CTNNA2: variants seen among roughly 807,000 people sequenced by gnomAD.
CTNNA2 encodes catenin alpha 2.
A neutral mutation model predicts 101.0 loss-of-function variants in CTNNA2; 42 were observed. The observed-to-expected ratio is 0.42, with a 90% confidence interval of 0.32 to 0.54. The LOEUF (loss-of-function observed/expected upper bound fraction) is 0.54. Ranked by LOEUF, CTNNA2 falls within the 20% of genes least tolerant of loss-of-function variation. CTNNA2 has a pLI of 0.14. For synonymous variants in CTNNA2, 450 were observed against 456.4 expected, an observed-to-expected ratio of 0.99 and a Z score of 0.18; for missense variants, 871 against 1,223.1, an observed-to-expected ratio of 0.71 and a Z score of 4.29.
chr2:80,477,909 C>T (rs1685853766), intron 9 of CTNNA2, among the ~76,000 whole-genome samples: 1 of 151,968 alleles, frequency 6.6e-6, no homozygotes, highest in Non-Finnish European at 1.5e-5. Context: ...GGTAGATATC[C>T]AGTAGTGGGA....
chr2:79,953,567 T>A (rs1689026411), intron 7 of CTNNA2, among the ~76,000 whole-genome samples: 1 of 152,200 alleles, frequency 6.6e-6, no homozygotes, highest in South Asian at 2.1e-4. Context: ...CCAGCACTTT[T>A]CTAAGTCCAC....
Position 80,364,361 on chromosome 2 carries a change from G to A in CTNNA2, c.1057-28850G>A, listed in dbSNP as rs550619907. ...TTTAAAATTAAAGCCTCTGTAACAA[G>A]ATGTTCTTTTCTCTTTTCTCCTTTC... On this transcript the variant is annotated intron_variant, in intron 7 of 18. Coordinates refer to ENST00000402739, the MANE Select transcript of CTNNA2 (RefSeq NM_001282597.3). 8.5e-5 allele frequency among the ~76,000 whole-genome samples: 13 copies of A among 152,146 alleles called. No homozygotes were observed. In the South Asian group the frequency reaches 2.7e-3, roughly 32 times the overall value.
At chr2:79,697,017 A>C (rs1340583281) in intron 2 of CTNNA2, among the ~76,000 whole-genome samples, 1 of 152,054 alleles carries the variant, frequency 6.6e-6, no homozygotes, top group East Asian at 1.9e-4. Flanking sequence ...TCAAGTCAAT[A>C]CCCTCATTTT....
intron 7 of CTNNA2, among the ~76,000 whole-genome samples, chr2:80,160,596 T>C (rs1704252846): frequency 1.3e-5 from 2 of 152,220 alleles, no homozygotes; most frequent in South Asian, 4.1e-4. Flanking sequence ...TGTTTATTAC[T>C]AGCATAAGAA....
intron 17 of CTNNA2, chr2:80,618,711 A>G (rs1011998128): frequency 5.8e-5 from 9 of 156,254 alleles, no homozygotes; most frequent in Non-Finnish European, 9.9e-5. Context: ...ATACCGTTCC[A>G]GGCTTTAAGA....
At chr2:80,578,351 G>A (rs535930937) in intron 13 of CTNNA2, among the ~76,000 whole-genome samples, 170 of 152,192 alleles carry the variant, frequency 1.1e-3, no homozygotes, top group Non-Finnish European at 1.3e-3. Context: ...CCAGTACAGC[G>A]AACTGTTTAT....
At chr2:80,542,465 G>A (rs1431626459) in intron 9 of CTNNA2, among the ~76,000 whole-genome samples, 1 of 151,554 alleles carries the variant, frequency 6.6e-6, no homozygotes, top group Non-Finnish European at 1.5e-5. Context: ...CATGGACAGT[G>A]GTATGTCACT....
At chr2:79,974,560 C>G (rs769828946) in intron 7 of CTNNA2, among the ~76,000 whole-genome samples, 1 of 152,150 alleles carries the variant, frequency 6.6e-6, no homozygotes, top group Non-Finnish European at 1.5e-5. Context: ...CCCTTAGCAG[C>G]ATTCCTAGTC....
intron 2 of CTNNA2, among the ~76,000 whole-genome samples, chr2:79,280,940 GT>G (rs1331416808): frequency 1.3e-5 from 2 of 151,998 alleles, no homozygotes; most frequent in Non-Finnish European, 2.9e-5. Flanking sequence ...TTGAAGCTCT[GT>G]TTGCACTCTA....
intron 3 of CTNNA2, among the ~76,000 whole-genome samples, chr2:79,362,518 A>T (rs1677654766): frequency 6.6e-6 from 1 of 152,162 alleles, no homozygotes; most frequent in African/African-American, 2.4e-5. Flanking sequence ...GGAATTCTAG[A>T]TTCATCTAGA....
chr2:79,386,021 A>T (rs551396928), intron 4 of CTNNA2, among the ~76,000 whole-genome samples: 1 of 152,268 alleles, frequency 6.6e-6, no homozygotes, highest in Non-Finnish European at 1.5e-5. Context: ...TAGTAGAATG[A>T]TTTATAATCC....
chr2:79,843,566 G>C (rs917323479), intron 3 of CTNNA2, among the ~76,000 whole-genome samples: 1 of 152,136 alleles, frequency 6.6e-6, no homozygotes, highest in Non-Finnish European at 1.5e-5. Context: ...TTAGAATTTT[G>C]CTTGTTAAAC....
chr2:80,093,946 T>G (rs1699968807), intron 7 of CTNNA2, among the ~76,000 whole-genome samples: 1 of 152,032 alleles, frequency 6.6e-6, no homozygotes, highest in Non-Finnish European at 1.5e-5. Context: ...TTTCTCCCAT[T>G]CTGTAGGTTG....
chr2:80,308,794 G>C (rs1677264394), intron 7 of CTNNA2, among the ~76,000 whole-genome samples: 2 of 152,086 alleles, frequency 1.3e-5, no homozygotes, highest in South Asian at 4.2e-4. Context: ...AGAAATGCAA[G>C]TTCTCCTGGG....
chr2:79,489,806 C>A (rs1243303643), intron 4 of CTNNA2, among the ~76,000 whole-genome samples: 1 of 152,136 alleles, frequency 6.6e-6, no homozygotes, highest in Non-Finnish European at 1.5e-5. Context: ...AATCATTTTT[C>A]TGGAATCTGA....
At chr2:79,233,725 G>C (rs1594838) in intron 2 of CTNNA2, among the ~76,000 whole-genome samples, 11,267 of 151,968 alleles carry the variant, frequency 0.074, 547 homozygotes, top group East Asian at 0.18. Context: ...GACTCTGTTT[G>C]CTCCTATGTT....
chr2:79,432,762 C>A (rs1270359050), intron 4 of CTNNA2, among the ~76,000 whole-genome samples: 1 of 152,198 alleles, frequency 6.6e-6, no homozygotes, highest in African/African-American at 2.4e-5. Flanking sequence ...CAAAGAGAAA[C>A]TTATTCTCTG....
Position 79,583,194 on chromosome 2 carries a change from C to T in CTNNA2, c.-5-68358C>T, listed in dbSNP as rs184474083. On this transcript the variant is annotated intron_variant, in intron 1 of 18. Transcript: ENST00000402739. ...TTGTTTTGTGTGATTATAAATAAAT[C>T]TGATATACACACATATATATATATA... Among the ~76,000 whole-genome samples, 49 of 151,064 alleles carry T rather than the reference C, an allele frequency of 3.2e-4. 1 individual carries two copies. The East Asian group carries it at 9.1e-3, about 28-fold the overall frequency.
intron 1 of CTNNA2, among the ~76,000 whole-genome samples, chr2:79,619,099 G>T (rs1678831695): frequency 6.6e-6 from 1 of 152,208 alleles, no homozygotes. Flanking sequence ...CCAGCTAGTT[G>T]GGAGGCTGAG....
Sources: gnomAD v4.1 joint callset for allele counts (sites outside exome capture counted in the v4.1 genomes callset) on GRCh38, gnomAD v4.1.1 for gene constraint, MANE v1.5 for transcripts, NCBI Gene and HGNC (gene_info 2026-07-23, HGNC 2026-07-21) for gene names.